Variants in SSH2 observed in about 807,000 individuals in gnomAD.
The protein encoded by SSH2 is slingshot protein phosphatase 2.
In SSH2, 37 loss-of-function variants were observed where a neutral mutation model predicts 135.2. That is an observed-to-expected ratio of 0.27 (90% confidence interval 0.21 to 0.36). The LOEUF is 0.36. Ranked by LOEUF, SSH2 falls within the 10% of genes least tolerant of loss-of-function variation. SSH2 has a pLI of 1.00. For synonymous variants in SSH2, 628 were observed against 646.2 expected (o/e 0.97, Z 0.43); for missense variants, 1,408 against 1,765.3 (o/e 0.80, Z 3.63).
At chr17:29,702,938 T>C (rs1270283932) in intron 4 of SSH2, 21 bp downstream of exon 4, 3 of 1,530,448 alleles carry the variant, frequency 2.0e-6, no homozygotes, top group Non-Finnish European at 2.7e-6. Flanking sequence ...AAGAAAGAAA[T>C]GGTGTATATG....
intron 1 of SSH2, among the ~76,000 whole-genome samples, chr17:29,896,834 A>G (rs1479495451): frequency 6.6e-6 from 1 of 151,842 alleles, no homozygotes; most frequent in Non-Finnish European, 1.5e-5. Flanking sequence ...TATTTTAGTA[A>G]TGAGTAAGTC....
chr17:29,918,673 A>G (rs896572032), intron 1 of SSH2, among the ~76,000 whole-genome samples: 4 of 152,182 alleles, frequency 2.6e-5, no homozygotes, highest in Non-Finnish European at 4.4e-5. Context: ...ACTGTGGCTC[A>G]CGCCTGTAAT....
At chr17:29,758,265 A>G (rs1284027820) in intron 3 of SSH2, among the ~76,000 whole-genome samples, 1 of 152,170 alleles carries the variant, frequency 6.6e-6, no homozygotes, top group East Asian at 1.9e-4. Context: ...CTAAGGCAAA[A>G]TATCATTTTT....
chr17:29,770,092 GTTTTTTTTTTTTTT>G (rs563803251), intron 3 of SSH2, among the ~76,000 whole-genome samples: 1 of 72,924 alleles, frequency 1.4e-5, no homozygotes, highest in Non-Finnish European at 3.0e-5. Context: ...GCTATATTTA[GTTTTTTTTTTTTTT>G]TTTTTTTTTT....
At chr17:29,922,129 C>T (rs1231458289) in intron 1 of SSH2, among the ~76,000 whole-genome samples, 1 of 151,934 alleles carries the variant, frequency 6.6e-6, no homozygotes, top group Non-Finnish European at 1.5e-5. Flanking sequence ...AAAAGTGTTC[C>T]AGGTAAAGGA....
At chr17:29,671,312 T>TA (rs1479183245) in intron 9 of SSH2, among the ~76,000 whole-genome samples, 6 of 152,028 alleles carry the variant, frequency 3.9e-5, no homozygotes, top group Non-Finnish European at 8.8e-5. Flanking sequence ...ACCCTATCTC[T>TA]AAAAAAATAA....
chr17:29,911,183 A>G (rs1328432262), intron 1 of SSH2, among the ~76,000 whole-genome samples: 1 of 152,180 alleles, frequency 6.6e-6, no homozygotes, highest in Non-Finnish European at 1.5e-5. Flanking sequence ...GAAAATAAAC[A>G]TGAATAAAAA....
chr17:29,906,838 T>A (rs538243171), intron 1 of SSH2, among the ~76,000 whole-genome samples: 1 of 152,174 alleles, frequency 6.6e-6, no homozygotes, highest in African/African-American at 2.4e-5. Context: ...CCAGTCAGAA[T>A]AGCTATTGTT....
At chr17:29,669,222 C>T (rs1477334943) in intron 9 of SSH2, among the ~76,000 whole-genome samples, 1 of 151,666 alleles carries the variant, frequency 6.6e-6, no homozygotes, top group African/African-American at 2.4e-5. Flanking sequence ...GCACTCCAGC[C>T]TGGGCCGACA....
At chr17:29,844,413 C>T (rs1276752860) in intron 2 of SSH2, among the ~76,000 whole-genome samples, 2 of 152,152 alleles carry the variant, frequency 1.3e-5, no homozygotes, top group Non-Finnish European at 1.5e-5. Flanking sequence ...TAGGAGACCA[C>T]CCATAAGCAC....
intron 1 of SSH2, among the ~76,000 whole-genome samples, chr17:29,873,626 G>A (rs911199494): frequency 6.6e-6 from 1 of 151,750 alleles, no homozygotes; most frequent in African/African-American, 2.4e-5. Flanking sequence ...AAAAAACAAA[G>A]CCATAAATCC....
At chr17:29,833,894 CCCTT>C (rs1386536089) in intron 2 of SSH2, among the ~76,000 whole-genome samples, 2 of 68,784 alleles carry the variant, frequency 2.9e-5, no homozygotes, top group Non-Finnish European at 5.7e-5. Context: ...CTCTCTCCCT[CCCTT>C]CCTTCCTTCC....
At chr17:29,826,873 T>C (rs2042754624) in intron 2 of SSH2, among the ~76,000 whole-genome samples, 1 of 152,108 alleles carries the variant, frequency 6.6e-6, no homozygotes, top group Non-Finnish European at 1.5e-5. Context: ...GGCCGAGTGA[T>C]TCTCAGCCCT....
At chr17:29,893,363 T>A (rs1380545405) in intron 1 of SSH2, among the ~76,000 whole-genome samples, 1 of 152,058 alleles carries the variant, frequency 6.6e-6, no homozygotes, top group Non-Finnish European at 1.5e-5. Flanking sequence ...TGAAACTTAA[T>A]CACCAACATG....
chr17:29,681,157 T>C (rs2037966734), intron 6 of SSH2, among the ~76,000 whole-genome samples: 1 of 151,110 alleles, frequency 6.6e-6, no homozygotes, highest in African/African-American at 2.4e-5. Flanking sequence ...GTCAACATGG[T>C]GAAACCCCGT....
At chr17:29,850,103 T>C (rs1313723003) in intron 1 of SSH2, among the ~76,000 whole-genome samples, 1 of 150,698 alleles carries the variant, frequency 6.6e-6, no homozygotes, top group African/African-American at 2.4e-5. Context: ...AGAAAACAAT[T>C]TAAAACCTTT....
At chr17:29,811,153 A>G (rs959116066) in intron 2 of SSH2, among the ~76,000 whole-genome samples, 20 of 151,748 alleles carry the variant, frequency 1.3e-4, no homozygotes. Context: ...GCACCACCAC[A>G]CCTGGCTAAT....
At chr17:29,779,678 G>A (rs939812961) in intron 3 of SSH2, among the ~76,000 whole-genome samples, 2 of 151,120 alleles carry the variant, frequency 1.3e-5, no homozygotes, top group Admixed American at 1.3e-4. Context: ...AATTAGCTGG[G>A]CGTGGTGGTG....
intron 2 of SSH2, among the ~76,000 whole-genome samples, chr17:29,846,970 AC>A (rs1432515128): frequency 1.3e-5 from 2 of 152,346 alleles, no homozygotes; most frequent in African/African-American, 4.8e-5. Context: ...TCTGTAAAAA[AC>A]AATACAGTTT....
Sources: allele counts gnomAD v4.1 joint callset (sites outside exome capture counted in the v4.1 genomes callset), GRCh38; gene constraint gnomAD v4.1.1; transcripts MANE v1.5; gene names NCBI Gene and HGNC (gene_info 2026-07-23, HGNC 2026-07-21).